Variants in PTPRD observed in about 807,000 individuals in gnomAD.
PTPRD encodes the protein receptor-type tyrosine-protein phosphatase delta.
PTPRD carries 34 observed loss-of-function variants against 214.5 expected under a neutral mutation model. That is an observed-to-expected ratio of 0.16 (90% CI 0.12 to 0.21). The LOEUF is 0.21. Among genes scored for constraint, PTPRD ranks in the 10% least tolerant of loss-of-function variants. The probability of loss-of-function intolerance (pLI) is 1.00; values close to 1 mark genes in which losing one functional copy is unlikely to be tolerated. For synonymous variants in PTPRD, 1,128 were observed against 845.7 expected (o/e 1.33, Z -5.79); for missense variants, 2,545 against 2,398.7 (o/e 1.06, Z -1.27).
At chr9:8,561,749 G>C (rs1244753289) in intron 14 of PTPRD, among the ~76,000 whole-genome samples, 2 of 139,162 alleles carry the variant, frequency 1.4e-5, no homozygotes, top group Non-Finnish European at 3.0e-5. Context: ...AAGGATCCTT[G>C]GATTTTTTTT....
chr9:10,467,920 T>C (rs980261081), intron 2 of PTPRD, among the ~76,000 whole-genome samples: 1 of 152,138 alleles, frequency 6.6e-6, no homozygotes, highest in Non-Finnish European at 1.5e-5. Context: ...TCATTGGTCA[T>C]TAGAGAAACA....
At chr9:9,557,296 G>A (rs1038773554) in intron 8 of PTPRD, among the ~76,000 whole-genome samples, 1 of 152,078 alleles carries the variant, frequency 6.6e-6, no homozygotes, top group Non-Finnish European at 1.5e-5. Flanking sequence ...CAATTGATCA[G>A]CATTAACATT....
intron 3 of PTPRD, among the ~76,000 whole-genome samples, chr9:10,170,951 C>T (rs534371106): frequency 6.6e-6 from 1 of 152,062 alleles, no homozygotes; most frequent in Admixed American, 6.6e-5. Flanking sequence ...TAATTTTCAC[C>T]AAGTCCTTTT....
chr9:9,924,826 A>T (rs1312582816), intron 5 of PTPRD, among the ~76,000 whole-genome samples: 1 of 152,084 alleles, frequency 6.6e-6, no homozygotes, highest in Non-Finnish European at 1.5e-5. Context: ...GGCATACCAC[A>T]TATCTCTACT....
At chr9:9,233,660 G>A (rs2099964597) in intron 9 of PTPRD, among the ~76,000 whole-genome samples, 1 of 152,112 alleles carries the variant, frequency 6.6e-6, no homozygotes, top group Non-Finnish European at 1.5e-5. Context: ...ACATGCATTG[G>A]GTAAATACAC....
chr9:9,087,114 T>C (rs933403239), intron 10 of PTPRD, among the ~76,000 whole-genome samples: 2 of 152,192 alleles, frequency 1.3e-5, no homozygotes, highest in Non-Finnish European at 2.9e-5. Flanking sequence ...AGTTGGCTTT[T>C]TTTTCTCTCT....
rs543504687 is a variant in PTPRD at position 8,984,922 on chromosome 9, G to C, written c.-104+33775C>G. ...ACTAAGTCACTCATTTGATGGTTTT[G>C]TGTTTACAATCTTATTTGCTCAGGA... On this transcript the variant is annotated intron_variant, in intron 11 of 45. Coordinates refer to ENST00000381196, the MANE Select transcript of PTPRD (RefSeq NM_002839.4). 4.4e-4 allele frequency among the ~76,000 whole-genome samples: 67 copies of C among 152,058 alleles called. 1 individual carries two copies. The highest frequency in any genetic ancestry group is 6.8e-3 in the Middle Eastern group (2 of 294).
At chr9:10,477,729 C>A (rs1160774965) in intron 2 of PTPRD, among the ~76,000 whole-genome samples, 1 of 151,976 alleles carries the variant, frequency 6.6e-6, no homozygotes, top group African/African-American at 2.4e-5. Flanking sequence ...TGGAACCAAC[C>A]CAAATGCCCA....
chr9:9,277,642 G>A (rs1946176434), intron 9 of PTPRD, among the ~76,000 whole-genome samples: 1 of 151,166 alleles, frequency 6.6e-6, no homozygotes, highest in South Asian at 2.1e-4. Context: ...AATAAACTAT[G>A]GAAAATGATG....
At chr9:8,470,073 T>C (rs1053428366) in intron 31 of PTPRD, among the ~76,000 whole-genome samples, 54 of 152,162 alleles carry the variant, frequency 3.5e-4, no homozygotes, top group African/African-American at 1.3e-3. Flanking sequence ...GCCTATGCTA[T>C]AAATAATCCC....
intron 5 of PTPRD, among the ~76,000 whole-genome samples, chr9:9,928,099 T>C (rs1461799222): frequency 1.3e-5 from 2 of 152,174 alleles, no homozygotes. Context: ...AAAAGTATTG[T>C]AGTGCTCCAG....
intron 8 of PTPRD, among the ~76,000 whole-genome samples, chr9:9,416,001 G>A (rs897752401): frequency 6.6e-6 from 1 of 152,108 alleles, no homozygotes; most frequent in African/African-American, 2.4e-5. Context: ...ATAGATGTAG[G>A]AAATGTTTTT....
At chr9:9,139,701 C>T (rs530508517) in intron 10 of PTPRD, among the ~76,000 whole-genome samples, 1 of 152,070 alleles carries the variant, frequency 6.6e-6, no homozygotes, top group Admixed American at 6.6e-5. Flanking sequence ...AAAACTTATG[C>T]ATTGTCTATT....
At chr9:8,937,425 C>G (rs917354870) in intron 11 of PTPRD, among the ~76,000 whole-genome samples, 11 of 152,160 alleles carry the variant, frequency 7.2e-5, no homozygotes, top group African/African-American at 2.2e-4. Flanking sequence ...TACCTATAAT[C>G]TGCATTCATA....
chr9:9,085,720 T>A (rs977091497), intron 10 of PTPRD, among the ~76,000 whole-genome samples: 1 of 152,072 alleles, frequency 6.6e-6, no homozygotes, highest in Non-Finnish European at 1.5e-5. Context: ...CATTGCCATA[T>A]ACAGGGTCAA....
rs536665555 is a variant in PTPRD, at chr9:10,041,814, TA to T, written c.-544-8025del. Among the ~76,000 whole-genome samples the T allele has an allele frequency of 3.5e-4, 53 of 152,190 alleles. 1 individual carries two copies. In the South Asian group the frequency reaches 0.011, roughly 30 times the overall value. On this transcript the variant is annotated intron_variant, in intron 3 of 45. Coordinates refer to ENST00000381196, the MANE Select transcript of PTPRD (RefSeq NM_002839.4). ...TTTCTTAAAGTTAATGTAACTTAAA[TA>T]AGATATAAACTTTAGATCTATGCTG...
intron 12 of PTPRD, among the ~76,000 whole-genome samples, chr9:8,657,076 G>C (rs955865410): frequency 1.3e-5 from 2 of 151,916 alleles, no homozygotes; most frequent in Non-Finnish European, 2.9e-5. Flanking sequence ...TTTCTCTAAT[G>C]ATCAGTGATG....
At chr9:8,741,154 C>G (rs185837941) in intron 11 of PTPRD, among the ~76,000 whole-genome samples, 170 of 152,034 alleles carry the variant, frequency 1.1e-3, no homozygotes, top group African/African-American at 3.9e-3. Flanking sequence ...TTGATTGTTT[C>G]TTTCTCCTTT....
At chr9:8,924,139 AC>A (rs1329664748) in intron 11 of PTPRD, among the ~76,000 whole-genome samples, 1 of 151,968 alleles carries the variant, frequency 6.6e-6, no homozygotes, top group Non-Finnish European at 1.5e-5. Flanking sequence ...TAAATCCAGC[AC>A]TCACTCATCA....
Sources: gnomAD v4.1 joint callset for allele counts (sites outside exome capture counted in the v4.1 genomes callset) on GRCh38, gnomAD v4.1.1 for gene constraint, MANE v1.5 for transcripts, NCBI Gene and HGNC (gene_info 2026-07-23, HGNC 2026-07-21) for gene names.